NBPF20: variants seen among roughly 807,000 people sequenced by gnomAD.
NBPF20 encodes the protein NBPF family member NBPF20.
NBPF20 carries 90 observed loss-of-function variants against 68.1 expected under a neutral mutation model. The ratio of observed to expected loss-of-function variants is 1.32; its 90% CI spans 1.11 to 1.58. The LOEUF is 1.58. Ranked by LOEUF, NBPF20 falls within the 40% of genes most tolerant of loss-of-function variation. NBPF20 has a pLI of 0.00. For synonymous variants in NBPF20, 290 were observed against 228.1 expected (o/e 1.27, Z -2.45); for missense variants, 816 against 601.2 (o/e 1.36, Z -3.74).
At chr1:145,291,378 T>A (rs1553657447) in exon 138 of NBPF20, 3 of 1,556,698 alleles carry the variant, frequency 1.9e-6, no homozygotes, top group South Asian at 2.5e-5. Flanking sequence ...AGGTTGCCAC[T>A]GGCATGGTTT....
the NBPF20 span, among the ~76,000 whole-genome samples, chr1:145,411,320 T>C: frequency 4.6e-5 from 7 of 151,232 alleles, no homozygotes; most frequent in East Asian, 1.9e-4. Flanking sequence ...TCATAATTTC[T>C]CAAAGCAATT....
rs1422368356 is a variant in NBPF20, at chr1:145,403,141, G to A, written c.278+75C>T. The A allele has an allele frequency of 1.0e-3, 1,611 of 1,569,396 alleles. 14 individuals carry two copies. The highest frequency in any genetic ancestry group is 0.01 in the South Asian group (906 of 90,104). The stretch of plus-strand genomic sequence containing the variant: ...TCCCCTGGCCCAGCTTAGCTCTTAC[G>A]TCTCCCCACCGAGCTGCTGTATTTC... On this transcript the variant is annotated intron_variant, in intron 3 of 137. Coordinates refer to ENST00000369373, the Ensembl canonical transcript of NBPF20.
At chr1:145,292,183 C>T (rs1289873980) in intron 137 of NBPF20, among the ~76,000 whole-genome samples, 198 bp downstream of exon 142, 4 of 149,844 alleles carry the variant, frequency 2.7e-5, no homozygotes, top group Non-Finnish European at 5.9e-5. Flanking sequence ...TATGGTCAAC[C>T]TATGGCACGT....
At chr1:145,404,661 G>C (rs1662684772) in intron 2 of NBPF20, among the ~76,000 whole-genome samples, 1 of 152,168 alleles carries the variant, frequency 6.6e-6, no homozygotes, top group Non-Finnish European at 1.5e-5. Context: ...CTATCACCAA[G>C]TTTCCCTCAG....
At chr1:145,400,965 T>A in intron 5 of NBPF20, 94 bp downstream of exon 10, 2 of 1,500,200 alleles carry the variant, frequency 1.3e-6, no homozygotes, top group Non-Finnish European at 1.8e-6. Context: ...CAAATGTGGG[T>A]TTTTGGCCGA....
chr1:145,309,528 C>A (rs1358186357), intron 115 of NBPF20, among the ~76,000 whole-genome samples: 4 of 69,334 alleles, frequency 5.8e-5, no homozygotes, highest in African/African-American at 3.0e-4. Context: ...GTGAATTATC[C>A]AGGTGACACA....
chr1:145,291,801 C>T (rs147233950), intron 137 of NBPF20, 32 bp from the exon 143 acceptor site: 6 of 1,611,630 alleles, frequency 3.7e-6, no homozygotes, highest in African/African-American at 1.3e-5. Flanking sequence ...AAGAAGCAGC[C>T]AGGGAAAATC....
intron 6 of NBPF20, among the ~76,000 whole-genome samples, chr1:145,400,019 G>A (rs1456020923): frequency 1.3e-5 from 2 of 152,190 alleles, no homozygotes; most frequent in Non-Finnish European, 2.9e-5. Flanking sequence ...AAATACAAAG[G>A]CAAGGCTGCC....
chr1:145,291,288 C>T (rs587648849), exon 138 of NBPF20: 2 of 647,456 alleles, frequency 3.1e-6, no homozygotes, highest in South Asian at 2.0e-5. Context: ...AAATGTCTGA[C>T]TGATCACTCC....
At chr1:145,398,415 T>A (rs1444752575) in intron 7 of NBPF20, among the ~76,000 whole-genome samples, 2 of 151,936 alleles carry the variant, frequency 1.3e-5, no homozygotes, top group Non-Finnish European at 2.9e-5. Context: ...AACTCAGGAT[T>A]AAGAAACTCA....
intron 132 of NBPF20, chr1:145,295,986 C>T (rs1439625909): frequency 1.2e-5 from 2 of 160,540 alleles, no homozygotes; most frequent in Non-Finnish European, 2.0e-5. Flanking sequence ...TTCACGGTAT[C>T]GAGGATTTTA....
chr1:145,410,393 C>T (rs1662960990), upstream of NBPF20, among the ~76,000 whole-genome samples: 1 of 149,986 alleles, frequency 6.7e-6, no homozygotes, highest in Non-Finnish European at 1.5e-5. Flanking sequence ...CGGCTCACTG[C>T]AAGCTCCGCC....
intron 3 of NBPF20, among the ~76,000 whole-genome samples, 178 bp from the exon 9 acceptor site, chr1:145,402,559 T>G (rs1386684840): frequency 1.3e-5 from 2 of 152,008 alleles, no homozygotes; most frequent in African/African-American, 4.8e-5. Context: ...ACAGGCTTCC[T>G]CTGTATCAGA....
exon 138 of NBPF20, chr1:145,291,695 G>T (rs782075492): frequency 9.9e-6 from 16 of 1,611,780 alleles, no homozygotes; most frequent in Middle Eastern, 2.2e-4. Context: ...GTACATTGAC[G>T]GAGTAGAATA....
chr1:145,292,517 A>G (rs781815785), intron 136 of NBPF20, 28 bp from the exon 142 acceptor site: 8 of 694,834 alleles, frequency 1.2e-5, no homozygotes, highest in Non-Finnish European at 1.8e-5. Flanking sequence ...ATGGACAGAC[A>G]CATTAAGCTG....
chr1:145,290,472 AT>A (rs1660994899), exon 138 of NBPF20: 1 of 149,810 alleles, frequency 6.7e-6, no homozygotes, highest in African/African-American at 2.5e-5. Flanking sequence ...TCATGAAGAC[AT>A]TTTCAGACAA....
chr1:145,314,241 G>GAC (rs1661516524), intron 109 of NBPF20, among the ~76,000 whole-genome samples: 3 of 134,648 alleles, frequency 2.2e-5, no homozygotes, highest in South Asian at 2.4e-4. Context: ...CACACACACA[G>GAC]ACACACACAC....
upstream of NBPF20, among the ~76,000 whole-genome samples, chr1:145,406,320 T>C (rs2101595983): frequency 6.6e-6 from 1 of 151,464 alleles, no homozygotes; most frequent in African/African-American, 2.4e-5. Context: ...GGCCAAGTAA[T>C]ATCCTATTGA....
intron 113 of NBPF20, among the ~76,000 whole-genome samples, 190 bp downstream of exon 118, chr1:145,311,247 G>T (rs1661470714): frequency 1.3e-4 from 2 of 15,144 alleles, no homozygotes; most frequent in African/African-American, 1.2e-3. Flanking sequence ...CCTATAGTAA[G>T]TTAGTAAATG....
Sources: gnomAD v4.1 joint callset for allele counts (sites outside exome capture counted in the v4.1 genomes callset) on GRCh38, gnomAD v4.1.1 for gene constraint, MANE v1.5 for transcripts, NCBI Gene and HGNC (gene_info 2026-07-23, HGNC 2026-07-21) for gene names.